The following GFI1B variants were observed in gnomAD, a reference collection of about 807,000 sequenced individuals.
The protein encoded by GFI1B is zinc finger protein Gfi-1b.
GFI1B carries 20 observed loss-of-function variants against 35.3 expected under a neutral mutation model. The ratio of observed to expected loss-of-function variants is 0.57; its 90% CI spans 0.40 to 0.82. The LOEUF is 0.82. Ranked by LOEUF, GFI1B falls within the 40% of genes least tolerant of loss-of-function variation. GFI1B has a pLI of 0.00. For synonymous variants in GFI1B, 178 were observed against 177.6 expected (o/e 1.00, Z -0.02); for missense variants, 430 against 446.3 (o/e 0.96, Z 0.33).
In GFI1B at chr9:132,989,247, G is replaced by T. The variant is rs774895747; in HGVS notation, c.648+49G>T. 21 of 1,578,012 alleles carry T rather than the reference G, an allele frequency of 1.3e-5. No individual in the cohort carries two copies. Among genetic ancestry groups the T allele is most frequent in the Non-Finnish European group, 1.6e-5 (18 of 1,155,904 alleles). The stretch of plus-strand genomic sequence containing the variant: ...ACTCCCAGCCCCACTCCTTCTCTGT[G>T]CTTCCCCAGGGAGCCTGGGGGCTGT... On this transcript the variant is annotated intron_variant, in intron 5 of 6. Transcript: ENST00000372122. The surrounding 1 kb of genome is among the most constrained non-coding windows in gnomAD (Gnocchi z 6.2).
chr9:132,972,397 G>A (rs990139954), intron 1 of GFI1B, among the ~76,000 whole-genome samples: 1 of 152,256 alleles, frequency 6.6e-6, no homozygotes, highest in East Asian at 1.9e-4. Flanking sequence ...ACTCCAGCCT[G>A]GGCAACAGAG....
In GFI1B at chr9:132,989,533, G is replaced by C. The variant is rs1849208254; in HGVS notation, c.649-209G>C. 1 of 603,140 alleles carries C rather than the reference G, an allele frequency of 1.7e-6. No homozygotes were observed. Among genetic ancestry groups the C allele is most frequent in the Non-Finnish European group, 3.0e-6 (1 of 338,256 alleles). The allele number at this position is 603,140 out of a possible 1,614,324, so 37.4% of individuals were successfully genotyped here. ...GAACATTTATTGAGGTTTATTTTGA[G>C]CGGGATACCGTGAAGATTACAAGGA... On this transcript the variant is annotated intron_variant, in intron 5 of 6. Transcript: ENST00000372122. This position sits in a 1 kb window ranked among gnomAD's most constrained non-coding sequence, Gnocchi z 6.2.
chr9:132,968,160 G>A (rs539500261), intron 1 of GFI1B, among the ~76,000 whole-genome samples: 1 of 150,910 alleles, frequency 6.6e-6, no homozygotes, highest in East Asian at 2.0e-4. Context: ...TCTGTCACCT[G>A]GGCTAGAGTG....
chr9:132,962,932 A>C (rs924124127), intron 1 of GFI1B, among the ~76,000 whole-genome samples: 16 of 150,014 alleles, frequency 1.1e-4, no homozygotes, highest in African/African-American at 3.9e-4. Context: ...AAAAAAAAAA[A>C]ATAGCCAGGC....
intron 1 of GFI1B, among the ~76,000 whole-genome samples, chr9:132,965,817 A>G (rs997856650): frequency 1.3e-5 from 2 of 152,224 alleles, no homozygotes; most frequent in Admixed American, 1.3e-4. Context: ...GACAGGCAAG[A>G]AATTTCTGTT....
chr9:132,957,236 T>A lies in GFI1B; in HGVS notation c.-701+11567T>A, dbSNP rs539694014. Among the ~76,000 whole-genome samples the A allele has an allele frequency of 2.0e-5, 3 of 152,228 alleles. No homozygotes were observed. In the East Asian group the frequency reaches 5.8e-4, roughly 29 times the overall value. On this transcript the variant is annotated intron_variant, in intron 1 of 10. Coordinates refer to the GFI1B transcript ENST00000339463. ...GCTTAGCACACAAACGTGCATGGCTTGGAAAACACCTTTCTCTAACGGCTG... is the reference window on the plus strand; with the variant it reads ...GCTTAGCACACAAACGTGCATGGCTAGGAAAACACCTTTCTCTAACGGCTG...
intron 1 of GFI1B, chr9:132,947,015 A>G (rs1165259783): frequency 6.6e-6 from 1 of 152,482 alleles, no homozygotes; most frequent in Non-Finnish European, 1.5e-5. Flanking sequence ...GGCCACCTAG[A>G]TGTTTTCTGC....
At chr9:132,965,011 T>C (rs1314185892) in intron 1 of GFI1B, among the ~76,000 whole-genome samples, 1 of 152,192 alleles carries the variant, frequency 6.6e-6, no homozygotes, top group Admixed American at 6.5e-5. Flanking sequence ...AATATGTACA[T>C]ATCAATAATT....
chr9:132,987,489 A>G lies in GFI1B; in HGVS notation c.238+70A>G, dbSNP rs1218842696. 5.7e-6 allele frequency: 9 copies of G among 1,578,564 alleles called. No individual in the cohort carries two copies. In the African/African-American group the frequency reaches 6.7e-5, roughly 12 times the overall value. ...GGAGGAAGGATGAAGGGACTCTTGC[A>G]GCAGGGCCCCTTGGGGCCCTGGAGT... On this transcript the variant is annotated intron_variant, in intron 3 of 6. Coordinates refer to ENST00000372122, the MANE Select transcript of GFI1B (RefSeq NM_001377304.1).
At chr9:132,975,995 G>A (rs1369317054), upstream of GFI1B, among the ~76,000 whole-genome samples, 1 of 152,202 alleles carries the variant, frequency 6.6e-6, no homozygotes, top group Non-Finnish European at 1.5e-5. Context: ...CCATCAAGGG[G>A]AACCTGGGTG....
chr9:132,966,476 C>G (rs1848452270), intron 1 of GFI1B, among the ~76,000 whole-genome samples: 1 of 152,206 alleles, frequency 6.6e-6, no homozygotes, highest in Non-Finnish European at 1.5e-5. Context: ...CTTACACTCT[C>G]ATTTTTTAGA....
At chr9:132,981,076 A>G (rs879097363) in intron 1 of GFI1B, among the ~76,000 whole-genome samples, 1 of 152,108 alleles carries the variant, frequency 6.6e-6, no homozygotes, top group Non-Finnish European at 1.5e-5. Context: ...TTGTATTTCT[A>G]GTAGAGGTGG....
At chr9:132,968,474 C>G (rs551895716) in intron 1 of GFI1B, among the ~76,000 whole-genome samples, 2 of 152,022 alleles carry the variant, frequency 1.3e-5, no homozygotes, top group East Asian at 3.9e-4. Context: ...ATTGTATACA[C>G]TTAGATATGC....
chr9:132,957,029 G>A (rs746357288), intron 1 of GFI1B, among the ~76,000 whole-genome samples: 2 of 152,220 alleles, frequency 1.3e-5, no homozygotes, highest in Non-Finnish European at 2.9e-5. Flanking sequence ...GACAGGGTCT[G>A]TCATAACTTA....
At chr9:132,969,484 T>A (rs1848500623) in intron 1 of GFI1B, among the ~76,000 whole-genome samples, 1 of 152,254 alleles carries the variant, frequency 6.6e-6, no homozygotes, top group Admixed American at 6.5e-5. Flanking sequence ...TAAGGCTGAA[T>A]AATAATACTC....
intron 1 of GFI1B, among the ~76,000 whole-genome samples, chr9:132,955,806 GCA>G (rs142269723): frequency 1.5e-3 from 189 of 122,414 alleles, no homozygotes; most frequent in African/African-American, 5.2e-3. Context: ...GTGTGTGTGT[GCA>G]TGTGTGTGTG....
In GFI1B at chr9:132,988,184, G is replaced by A. The variant is rs187989255; in HGVS notation, c.239-13G>A. 4.5e-5 allele frequency: 73 copies of A among 1,613,252 alleles called. No homozygotes were observed. Among genetic ancestry groups the A allele is most frequent in the Admixed American group, 2.0e-4 (12 of 60,018 alleles). On this transcript the variant is annotated splice_polypyrimidine_tract_variant and intron_variant, in intron 3 of 6. Transcript: ENST00000372122. ...TTAAATGAGTAACCAGGCCTGTGTCGTTATCTCCACAGAGGGCCCCATTGT... is the reference window on the plus strand; with the variant it reads ...TTAAATGAGTAACCAGGCCTGTGTCATTATCTCCACAGAGGGCCCCATTGT...
upstream of GFI1B, among the ~76,000 whole-genome samples, chr9:132,978,193 A>G (rs1848689525): frequency 7.1e-6 from 1 of 141,264 alleles, no homozygotes; most frequent in Admixed American, 7.1e-5. Context: ...GAGGAGAAGG[A>G]GGGAGGGAGG....
intron 1 of GFI1B, among the ~76,000 whole-genome samples, chr9:132,979,560 A>G (rs1168314428): frequency 6.6e-6 from 1 of 152,082 alleles, no homozygotes; most frequent in Non-Finnish European, 1.5e-5. Context: ...ACACTTTGAG[A>G]GTCAGGCGCT....
Sources: gnomAD v4.1 joint callset for allele counts (sites outside exome capture counted in the v4.1 genomes callset) on GRCh38, gnomAD v4.1.1 for gene constraint, Gnocchi (gnomAD v3.1) non-coding constraint, MANE v1.5 for transcripts, NCBI Gene and HGNC (gene_info 2026-07-23, HGNC 2026-07-21) for gene names.